SLC25A20: variants seen among roughly 807,000 people sequenced by gnomAD.
The protein encoded by SLC25A20 is solute carrier family 25 member 20.
Under a neutral mutation model 39.7 loss-of-function variants are expected in SLC25A20, and 29 were observed. The observed-to-expected ratio is 0.73, with a 90% CI of 0.54 to 1.00. The LOEUF (loss-of-function observed/expected upper bound fraction) is 1.00. Among genes scored for constraint, SLC25A20 ranks in the 50% least tolerant of loss-of-function variants. The pLI, the probability that SLC25A20 is intolerant of heterozygous loss-of-function variation, is 0.00. For missense variants in SLC25A20, 333 were observed against 379.9 expected (o/e 0.88, Z 1.03); for synonymous variants, 103 against 142.2 (o/e 0.72, Z 1.96).
chr3:48,864,927 T>G (rs371150199), intron 4 of SLC25A20, among the ~76,000 whole-genome samples: 44 of 152,182 alleles, frequency 2.9e-4, no homozygotes, highest in African/African-American at 1.0e-3. Context: ...AAGAGGAATT[T>G]AAGAGGACTC....
At chr3:48,889,876 G>A (rs2083860492) in intron 2 of SLC25A20, among the ~76,000 whole-genome samples, 2 of 152,130 alleles carry the variant, frequency 1.3e-5, no homozygotes, top group Admixed American at 1.3e-4. Flanking sequence ...GGCAGGTATA[G>A]GGTCCGGTGC....
chr3:48,876,999 G>A (rs939583643), intron 4 of SLC25A20, among the ~76,000 whole-genome samples: 28 of 152,030 alleles, frequency 1.8e-4, no homozygotes, highest in African/African-American at 4.8e-5. Flanking sequence ...GGGAGGCTGA[G>A]GCAGGAGAAT....
Position 48,870,120 on chromosome 3 carries a change from C to T in SLC25A20, c.418-7461G>A, listed in dbSNP as rs114908006. Among the ~76,000 whole-genome samples, 445 of 152,138 alleles carry T rather than the reference C, an allele frequency of 2.9e-3. 2 individuals carry two copies. The highest frequency in any genetic ancestry group is 0.01 in the African/African-American group (433 of 41,488). On this transcript the variant is annotated intron_variant, in intron 4 of 8. Coordinates refer to ENST00000319017, the MANE Select transcript of SLC25A20 (RefSeq NM_000387.6). ...ATTGTCTTAAAAAAAAGGAAATAGG[C>T]TTGGCATGGTGGCTCTCGCCTATAA...
chr3:48,858,437 A>T, intron 8 of SLC25A20, 70 bp downstream of exon 8: 1 of 1,609,872 alleles, frequency 6.2e-7, no homozygotes, highest in South Asian at 1.1e-5. Flanking sequence ...CCCAGGAACA[A>T]GCAAAAGTCA....
At chr3:48,863,196 T>C (rs1300943847) in intron 4 of SLC25A20, among the ~76,000 whole-genome samples, 1 of 151,978 alleles carries the variant, frequency 6.6e-6, no homozygotes, top group Admixed American at 6.6e-5. Flanking sequence ...TGTCTCAAAA[T>C]TTAAAAATAA....
chr3:48,859,061 C>T (rs777338841), intron 7 of SLC25A20, 31 bp downstream of exon 7: 2 of 1,573,678 alleles, frequency 1.3e-6, no homozygotes, highest in Non-Finnish European at 1.7e-6. Flanking sequence ...GACCCACTCT[C>T]CCCCTGTCCA....
chr3:48,892,633 A>G (rs2083885435), intron 1 of SLC25A20, among the ~76,000 whole-genome samples: 1 of 152,236 alleles, frequency 6.6e-6, no homozygotes, highest in Non-Finnish European at 1.5e-5. Flanking sequence ...TTCAGGCAGG[A>G]GTTCCCTCTT....
chr3:48,871,643 T>C (rs1450577850), intron 4 of SLC25A20, among the ~76,000 whole-genome samples: 1 of 151,776 alleles, frequency 6.6e-6, no homozygotes, highest in Non-Finnish European at 1.5e-5. Flanking sequence ...GGCGCGTGCC[T>C]GTAATCCCAG....
intron 4 of SLC25A20, among the ~76,000 whole-genome samples, chr3:48,875,434 G>GT (rs1026774346): frequency 6.6e-6 from 1 of 151,796 alleles, no homozygotes; most frequent in Non-Finnish European, 1.5e-5. Context: ...TTTTGATTTA[G>GT]TTTTTCGCTT....
At position 48,857,592 on chromosome 3, in the gene SLC25A20, G is replaced by A. The variant is rs2083589581; in HGVS notation, c.*118C>T. On this transcript the variant is annotated 3_prime_UTR_variant, in exon 9 of 9. Transcript: ENST00000319017. ...CAGTCTCACCAAGTCCATGCACAGG[G>A]CTCGGATCTCACCATTCCCCTCCCC... 3 of 870,614 alleles carry A rather than the reference G, an allele frequency of 3.4e-6. No individual in the cohort carries two copies. The highest frequency in any genetic ancestry group is 5.7e-6 in the Non-Finnish European group (3 of 523,738). The allele number at this position is 870,614 out of a possible 1,614,324, so 53.9% of individuals were successfully genotyped here.
intron 8 of SLC25A20, 138 bp from the exon 9 acceptor site, chr3:48,857,910 G>A: frequency 1.5e-6 from 1 of 684,542 alleles, no homozygotes. Context: ...AAGGATGCAA[G>A]CTCTACTCTC....
intron 1 of SLC25A20, among the ~76,000 whole-genome samples, chr3:48,893,554 G>C (rs1178065247): frequency 6.6e-6 from 1 of 151,902 alleles, no homozygotes; most frequent in African/African-American, 2.4e-5. Flanking sequence ...TATTTATTGA[G>C]ACAGGGTCTC....
intron 4 of SLC25A20, among the ~76,000 whole-genome samples, chr3:48,872,426 G>A (rs574074627): frequency 3.3e-5 from 5 of 151,688 alleles, no homozygotes; most frequent in South Asian, 2.1e-4. Context: ...CACCATGCCC[G>A]GCCCCCAGTT....
In SLC25A20 at chr3:48,892,047, C is replaced by G; in HGVS notation, c.131G>C (p.Ser44Thr). 1 of 1,614,104 alleles carries G rather than the reference C, an allele frequency of 6.2e-7. No individual in the cohort carries two copies. Among genetic ancestry groups the G allele is most frequent in the Non-Finnish European group, 8.5e-7 (1 of 1,179,986 alleles). The change falls in exon 2 of 9, where the codon AGT (serine) becomes ACT (threonine). Residue 44 changes from serine (S) to threonine (T), a missense_variant. By Grantham distance (58) the Ser-to-Thr change is moderately conservative (BLOSUM62 1). Coordinates refer to ENST00000319017, the MANE Select transcript of SLC25A20 (RefSeq NM_000387.6). Reference sequence around the variant, plus strand: ...GTACATGGGAGGTTGTCCAGGCAAACTCGGTGGCTGTGTCTGCAGTCGGAC... The same window carrying G: ...GTACATGGGAGGTTGTCCAGGCAAAGTCGGTGGCTGTGTCTGCAGTCGGAC... Reference protein sequence around the residue: ...VKVRLQTQPPSLPGQPPMYSG... With the variant: ...VKVRLQTQPPTLPGQPPMYSG...
chr3:48,864,686 G>A (rs1015711064), intron 4 of SLC25A20, among the ~76,000 whole-genome samples: 7 of 152,128 alleles, frequency 4.6e-5, no homozygotes, highest in African/African-American at 7.2e-5. Context: ...CTGGGGGGCC[G>A]TGGAGGATTG....
chr3:48,891,770 C>CT (rs2083879147), intron 2 of SLC25A20, among the ~76,000 whole-genome samples: 1 of 152,154 alleles, frequency 6.6e-6, no homozygotes, highest in Non-Finnish European at 1.5e-5. Flanking sequence ...TTTTATTAGC[C>CT]TTAGTCATCT....
chr3:48,864,696 G>A (rs1185488488), intron 4 of SLC25A20, among the ~76,000 whole-genome samples: 1 of 151,884 alleles, frequency 6.6e-6, no homozygotes, highest in Admixed American at 6.6e-5. Flanking sequence ...GTGGAGGATT[G>A]GGCATAGGAA....
At chr3:48,880,332 G>A (rs573372299) in intron 3 of SLC25A20, among the ~76,000 whole-genome samples, 46 of 152,076 alleles carry the variant, frequency 3.0e-4, no homozygotes, top group Admixed American at 1.6e-3. Context: ...CCCCAGGCTG[G>A]AGTGCAGTGA....
intron 8 of SLC25A20, 59 bp downstream of exon 8, chr3:48,858,448 A>C (rs1265954201): frequency 8.7e-6 from 14 of 1,612,430 alleles, no homozygotes; most frequent in Non-Finnish European, 1.2e-5. Flanking sequence ...GCAAAAGTCA[A>C]ACCACATGCA....
Sources: allele counts gnomAD v4.1 joint callset (sites outside exome capture counted in the v4.1 genomes callset), GRCh38; gene constraint gnomAD v4.1.1; transcripts MANE v1.5; gene names NCBI Gene and HGNC (gene_info 2026-07-23, HGNC 2026-07-21).